Variants in SP100 observed in about 807,000 individuals in gnomAD.
SP100 encodes SP100 nuclear body protein.
Under a neutral mutation model 130.0 loss-of-function variants are expected in SP100, and 84 were observed. The ratio of observed to expected loss-of-function variants is 0.65; its 90% CI spans 0.54 to 0.77. The LOEUF is 0.77. SP100 is among the 30% of genes least tolerant of loss of function. SP100 has a pLI of 0.00. For synonymous variants in SP100, 331 were observed against 351.7 expected, an observed-to-expected ratio of 0.94 and a Z score of 0.66; for missense variants, 978 against 1,052.2, an observed-to-expected ratio of 0.93 and a Z score of 0.97.
In SP100 at chr2:230,541,377, G is replaced by A; in HGVS notation, c.2403+5G>A. 6.2e-7 allele frequency: 1 copy of A among 1,611,742 alleles called. No homozygotes were observed. On this transcript the variant is annotated splice_donor_5th_base_variant and intron_variant, in intron 27 of 28. Coordinates refer to ENST00000340126, the MANE Select transcript of SP100 (RefSeq NM_001080391.2). ...TTCGCCTCAGAACCGTATTATGTAA[G>A]TAACAGCCAAACAAAAATGCTTATA...
chr2:230,416,732 ACACCTGGCTT>A (rs1170544137), intron 1 of SP100: 16 of 991,304 alleles, frequency 1.6e-5, no homozygotes, highest in Admixed American at 1.2e-4. Context: ...TCCAGGGTAA[ACACCTGGCTT>A]ACTTTTAAAC....
At chr2:230,454,104 T>C (rs1218122058) in intron 8 of SP100, among the ~76,000 whole-genome samples, 1 of 152,210 alleles carries the variant, frequency 6.6e-6, no homozygotes, top group Non-Finnish European at 1.5e-5. Flanking sequence ...CAGTGTCTTA[T>C]GATTCTTTGT....
chr2:230,436,087 A>T (rs2063255759), intron 2 of SP100, among the ~76,000 whole-genome samples: 1 of 152,090 alleles, frequency 6.6e-6, no homozygotes, highest in South Asian at 2.1e-4. Flanking sequence ...ATGTTTTAAA[A>T]CTACTACCTT....
At chr2:230,479,846 C>T (rs1218793982) in intron 17 of SP100, among the ~76,000 whole-genome samples, 1 of 152,180 alleles carries the variant, frequency 6.6e-6, no homozygotes, top group African/African-American at 2.4e-5. Flanking sequence ...TTCACAGTGA[C>T]TCCCAGTTCC....
chr2:230,450,514 G>T (rs2063926720), intron 8 of SP100, among the ~76,000 whole-genome samples: 1 of 152,000 alleles, frequency 6.6e-6, no homozygotes, highest in South Asian at 2.1e-4. Flanking sequence ...TATTCTCTCA[G>T]TAATTTTTAA....
chr2:230,491,096 T>C (rs908003613), intron 17 of SP100, among the ~76,000 whole-genome samples: 1 of 152,250 alleles, frequency 6.6e-6, no homozygotes, highest in African/African-American at 2.4e-5. Context: ...TCTTCTCATC[T>C]CTTTCAGGTA....
At chr2:230,474,282 T>A in intron 16 of SP100, 112 bp from the exon 17 acceptor site, 1 of 654,652 alleles carries the variant, frequency 1.5e-6, no homozygotes, top group Admixed American at 2.8e-5. Context: ...AGATAAATTA[T>A]ACTCAGAATA....
chr2:230,499,930 G>A (rs754465765), intron 19 of SP100, among the ~76,000 whole-genome samples: 15 of 152,098 alleles, frequency 9.9e-5, no homozygotes, highest in Non-Finnish European at 2.2e-4. Flanking sequence ...TGGAGGTGGG[G>A]AAGGCTGATG....
At chr2:230,539,209 A>T (rs1354389796) in intron 24 of SP100, 58 bp from the exon 25 acceptor site, 2 of 1,054,038 alleles carry the variant, frequency 1.9e-6, no homozygotes, top group African/African-American at 1.6e-5. Flanking sequence ...AAAAGGTCAC[A>T]TATTCTAGGG....
At chr2:230,504,370 C>A in intron 21 of SP100, 80 bp downstream of exon 21, 2 of 781,154 alleles carry the variant, frequency 2.6e-6, no homozygotes, top group Non-Finnish European at 4.2e-6. Flanking sequence ...TAGACACTTG[C>A]CTTTGAGGTT....
intron 2 of SP100, among the ~76,000 whole-genome samples, chr2:230,431,223 AG>A (rs1249846659): frequency 6.6e-6 from 1 of 152,190 alleles, no homozygotes; most frequent in Non-Finnish European, 1.5e-5. Flanking sequence ...AATCAAACCC[AG>A]GTGGTCCAGC....
At chr2:230,451,634 A>G (rs983075961) in intron 8 of SP100, among the ~76,000 whole-genome samples, 1 of 152,206 alleles carries the variant, frequency 6.6e-6, no homozygotes, top group African/African-American at 2.4e-5. Flanking sequence ...CCTATGCAGA[A>G]GCTTTTTAGT....
chr2:230,518,486 A>G (rs923555798), intron 24 of SP100, among the ~76,000 whole-genome samples: 3 of 151,848 alleles, frequency 2.0e-5, no homozygotes, highest in Non-Finnish European at 2.9e-5. Flanking sequence ...GAACTCTTTT[A>G]TAATTTTTAG....
At chr2:230,483,211 A>C (rs1301655011) in intron 17 of SP100, among the ~76,000 whole-genome samples, 1 of 152,198 alleles carries the variant, frequency 6.6e-6, no homozygotes, top group African/African-American at 2.4e-5. Flanking sequence ...AAGAAAAATA[A>C]AGAATAATGG....
chr2:230,417,449 A>G (rs2062633591), intron 1 of SP100, 142 bp from the exon 2 acceptor site: 2 of 1,030,940 alleles, frequency 1.9e-6, no homozygotes, highest in Admixed American at 6.6e-5. Flanking sequence ...TTTACCAATA[A>G]GCTATCATAA....
At chr2:230,520,121 A>G (rs796353745) in intron 24 of SP100, among the ~76,000 whole-genome samples, 11 of 152,300 alleles carry the variant, frequency 7.2e-5, no homozygotes, top group African/African-American at 2.6e-4. Flanking sequence ...GTCACCTCCA[A>G]AGAAGTTTCA....
At chr2:230,529,415 G>A (rs1047579267) in intron 24 of SP100, among the ~76,000 whole-genome samples, 1 of 152,174 alleles carries the variant, frequency 6.6e-6, no homozygotes, top group African/African-American at 2.4e-5. Context: ...ACTAGGTATT[G>A]ATGGAATGTA....
rs1418477696 is a variant in SP100, at chr2:230,449,339, C to A, written c.586+189C>A. On this transcript the variant is annotated intron_variant, in intron 6 of 28. Transcript: ENST00000340126. ...GTTGCCTAGGAGGGTTTCTTCCTCC[C>A]ACACCCCTTAATCACACTTGCTGCT... 3.8e-6 allele frequency: 3 copies of A among 781,870 alleles called. No homozygotes were observed. The East Asian group carries it at 7.9e-5, about 21-fold the overall frequency. 48.4% of individuals were successfully genotyped at this position (781,870 alleles called of 1,614,324 possible). A position where few individuals can be genotyped will look rare whatever the true frequency, so the allele number is the denominator to read the frequency against.
intron 24 of SP100, among the ~76,000 whole-genome samples, chr2:230,535,779 T>C (rs13024762): frequency 0.41 from 61,895 of 150,844 alleles, 13,783 homozygotes; most frequent in South Asian, 0.56. Flanking sequence ...TGGTGGTGCA[T>C]GCCTGTCGTC....
Sources: gnomAD v4.1 joint callset for allele counts (sites outside exome capture counted in the v4.1 genomes callset) on GRCh38, gnomAD v4.1.1 for gene constraint, MANE v1.5 for transcripts, NCBI Gene and HGNC (gene_info 2026-07-23, HGNC 2026-07-21) for gene names.